The following DOK6 variants were observed in gnomAD, a reference collection of about 807,000 sequenced individuals.
DOK6 encodes downstream of tyrosine kinase 6.
A neutral mutation model predicts 44.0 loss-of-function variants in DOK6; 22 were observed. That is an observed-to-expected ratio of 0.50 (90% CI 0.36 to 0.71). The LOEUF is 0.71. Among genes scored for constraint, DOK6 ranks in the 30% least tolerant of loss-of-function variants. The pLI, the probability that DOK6 is intolerant of heterozygous loss-of-function variation, is 0.00. For missense variants in DOK6, 340 were observed against 416.4 expected (o/e 0.82, Z 1.60); for synonymous variants, 166 against 145.5 (o/e 1.14, Z -1.01).
At chr18:69,713,615 T>C (rs1986818714) in intron 5 of DOK6, among the ~76,000 whole-genome samples, 1 of 152,224 alleles carries the variant, frequency 6.6e-6, no homozygotes, top group African/African-American at 2.4e-5. Flanking sequence ...CACATGACAA[T>C]TATTTTTCTG....
intron 5 of DOK6, among the ~76,000 whole-genome samples, chr18:69,729,413 C>A (rs1262708565): frequency 6.6e-6 from 1 of 152,132 alleles, no homozygotes; most frequent in Non-Finnish European, 1.5e-5. Flanking sequence ...CCCAATTGTT[C>A]TTTCCTACCA....
At chr18:69,700,613 GT>G in intron 5 of DOK6, among the ~76,000 whole-genome samples, 1 of 152,170 alleles carries the variant, frequency 6.6e-6, no homozygotes. Context: ...TCATTTGTGT[GT>G]TTCTCCTTCT....
intron 3 of DOK6, among the ~76,000 whole-genome samples, chr18:69,665,996 A>G (rs1985647910): frequency 6.6e-6 from 1 of 152,042 alleles, no homozygotes; most frequent in South Asian, 2.1e-4. Context: ...TCAACCATTC[A>G]CAGGCTTTAA....
At chr18:69,817,813 C>T (rs980784039) in intron 7 of DOK6, among the ~76,000 whole-genome samples, 9 of 152,174 alleles carry the variant, frequency 5.9e-5, no homozygotes, top group African/African-American at 1.2e-4. Context: ...AGTAGTCACA[C>T]GCTAGATGCA....
chr18:69,700,216 C>CATATATATATATATATATATGTAT (rs61078235), intron 5 of DOK6, among the ~76,000 whole-genome samples: 7 of 124,762 alleles, frequency 5.6e-5, no homozygotes, highest in East Asian at 6.1e-4. Flanking sequence ...CATATATATA[C>CATATATATATATATATATATGTAT]ATATATATAT....
rs550656841 is a variant in DOK6 at position 69,687,822 on chromosome 18, C to T, written c.409+9969C>T. Among the ~76,000 whole-genome samples, 26 of 152,232 alleles carry T rather than the reference C, an allele frequency of 1.7e-4. 1 individual carries two copies. In the South Asian group the frequency reaches 5.4e-3, roughly 32 times the overall value. ...AAGGTTGGGAAAAAGGCAAAGATAT[C>T]TTTCTCATTACTTCTAATCAAACTT... is the stretch of plus-strand genomic sequence containing the variant. On this transcript the variant is annotated intron_variant, in intron 4 of 7. Transcript: ENST00000382713.
chr18:69,610,359 T>C (rs1405891583), intron 3 of DOK6, among the ~76,000 whole-genome samples: 1 of 152,226 alleles, frequency 6.6e-6, no homozygotes, highest in Non-Finnish European at 1.5e-5. Context: ...CTTGGGAATA[T>C]ATCTCATATA....
At chr18:69,739,714 G>A (rs1473542510) in intron 6 of DOK6, among the ~76,000 whole-genome samples, 1 of 152,052 alleles carries the variant, frequency 6.6e-6, no homozygotes, top group East Asian at 1.9e-4. Context: ...ATAATTATAA[G>A]CTTTATTACT....
chr18:69,606,183 A>G (rs1983990940), intron 3 of DOK6, among the ~76,000 whole-genome samples: 1 of 151,976 alleles, frequency 6.6e-6, no homozygotes, highest in Non-Finnish European at 1.5e-5. Context: ...GAGGCAGGAT[A>G]ATTGCTTGAA....
chr18:69,500,791 T>G (rs1196230202), intron 1 of DOK6, among the ~76,000 whole-genome samples: 1 of 152,190 alleles, frequency 6.6e-6, no homozygotes, highest in Non-Finnish European at 1.5e-5. Context: ...TCAATATAGT[T>G]TGACAAATAT....
intron 7 of DOK6, among the ~76,000 whole-genome samples, chr18:69,766,106 G>C (rs899337640): frequency 6.6e-6 from 1 of 152,118 alleles, no homozygotes; most frequent in Admixed American, 6.5e-5. Context: ...AATGAAATCA[G>C]GTCCTTTGTA....
chr18:69,733,874 G>A (rs984372889), intron 5 of DOK6, among the ~76,000 whole-genome samples: 1 of 152,020 alleles, frequency 6.6e-6, no homozygotes, highest in African/African-American at 2.4e-5. Flanking sequence ...TCTAAAATAT[G>A]TTGCTAGATG....
intron 1 of DOK6, among the ~76,000 whole-genome samples, chr18:69,420,708 T>C (rs1978466856): frequency 1.3e-5 from 2 of 152,096 alleles, no homozygotes; most frequent in Admixed American, 1.3e-4. Flanking sequence ...GTTACACTGA[T>C]TTCTAGCGCC....
At chr18:69,817,782 C>T (rs1027731272) in intron 7 of DOK6, among the ~76,000 whole-genome samples, 10 of 152,234 alleles carry the variant, frequency 6.6e-5, no homozygotes, top group African/African-American at 2.2e-4. Context: ...CCTCTAACAA[C>T]GGAGTGTAGT....
chr18:69,833,647 T>C (rs1268070719), intron 7 of DOK6, among the ~76,000 whole-genome samples: 1 of 152,070 alleles, frequency 6.6e-6, no homozygotes, highest in African/African-American at 2.4e-5. Flanking sequence ...GAGAAGATAT[T>C]CCTAAACTAT....
chr18:69,613,980 C>T (rs1984223699), intron 3 of DOK6, among the ~76,000 whole-genome samples: 2 of 141,774 alleles, frequency 1.4e-5, no homozygotes, highest in African/African-American at 2.6e-5. Context: ...TATTATTATA[C>T]TTTTAAGTTT....
intron 5 of DOK6, among the ~76,000 whole-genome samples, chr18:69,734,084 CT>C (rs34699851): frequency 1.3e-5 from 2 of 151,326 alleles, no homozygotes; most frequent in African/African-American, 2.4e-5. Flanking sequence ...TCTTGTAGTG[CT>C]TTTTTTTCCC....
intron 3 of DOK6, among the ~76,000 whole-genome samples, chr18:69,674,986 G>T (rs1985888166): frequency 6.6e-6 from 1 of 152,120 alleles, no homozygotes; most frequent in Admixed American, 6.5e-5. Context: ...TTACAGTTCA[G>T]TCTTTAGTGT....
At chr18:69,584,623 G>C (rs919788242) in intron 2 of DOK6, among the ~76,000 whole-genome samples, 12 of 151,914 alleles carry the variant, frequency 7.9e-5, no homozygotes, top group African/African-American at 2.9e-4. Context: ...TATTAAACCA[G>C]ACTCAAATAG....
Sources: allele counts gnomAD v4.1 joint callset (sites outside exome capture counted in the v4.1 genomes callset), GRCh38; gene constraint gnomAD v4.1.1; transcripts MANE v1.5; gene names NCBI Gene and HGNC (gene_info 2026-07-23, HGNC 2026-07-21).